Variants in ITGA3 observed in about 807,000 individuals in gnomAD.
ITGA3 encodes the protein integrin alpha-3.
A neutral mutation model predicts 131.1 loss-of-function variants in ITGA3; 70 were observed. The ratio of observed to expected loss-of-function variants is 0.53; its 90% CI spans 0.44 to 0.65. The LOEUF (loss-of-function observed/expected upper bound fraction) is 0.65, where lower values mean the gene tolerates loss of function less well. ITGA3 is among the 30% of genes least tolerant of loss of function. The pLI is 0.00. For missense variants in ITGA3, 1,098 were observed against 1,388.6 expected, an observed-to-expected ratio of 0.79 and a Z score of 3.33; for synonymous variants, 537 against 571.6, an observed-to-expected ratio of 0.94 and a Z score of 0.86.
intron 9 of ITGA3, 23 bp from the exon 10 acceptor site, chr17:50,074,425 G>C: frequency 1.2e-6 from 2 of 1,612,372 alleles, no homozygotes; most frequent in Non-Finnish European, 1.7e-6. Flanking sequence ...ACTGATATCT[G>C]TCTGGCTCTG....
intron 25 of ITGA3, 83 bp from the exon 26 acceptor site, chr17:50,089,026 TG>T: frequency 1.9e-6 from 2 of 1,032,950 alleles, no homozygotes; most frequent in Non-Finnish European, 1.5e-6. Context: ...GAGTTCTGGG[TG>T]GGAGAGGGAG....
In ITGA3 at chr17:50,089,669, C is replaced by G. The variant is rs1268552795; in HGVS notation, c.*591C>G. On this transcript the variant is annotated 3_prime_UTR_variant, in exon 26 of 26. Transcript: ENST00000320031. ...GACACCTCCCCCTTTCACACTGGATCCATCTTGAGCCACAGTCACTGGATT... is the reference window on the plus strand; with the variant it reads ...GACACCTCCCCCTTTCACACTGGATGCATCTTGAGCCACAGTCACTGGATT... 1 of 186,728 alleles carries G rather than the reference C, an allele frequency of 5.4e-6. No homozygotes were observed. The highest frequency in any genetic ancestry group is 1.1e-5 in the Non-Finnish European group (1 of 87,790). 11.6% of individuals were successfully genotyped at this position (186,728 alleles called of 1,614,324 possible).
At chr17:50,070,004 C>A (rs1323469867) in intron 4 of ITGA3, among the ~76,000 whole-genome samples, 1 of 152,216 alleles carries the variant, frequency 6.6e-6, no homozygotes, top group Admixed American at 6.5e-5. Flanking sequence ...CAGCTCTGGG[C>A]TCACCGAAGG....
chr17:50,077,232 G>A, intron 15 of ITGA3, 111 bp downstream of exon 15: 1 of 1,333,104 alleles, frequency 7.5e-7, no homozygotes, highest in East Asian at 2.4e-5. Context: ...CACCTCCTCT[G>A]GTCTGGGCCT....
Position 50,089,417 on chromosome 17 carries a change from G to C in ITGA3, c.*339G>C, listed in dbSNP as rs1372238528. 6 of 642,300 alleles carry C rather than the reference G, an allele frequency of 9.3e-6. No homozygotes were observed. The highest frequency in any genetic ancestry group is 5.5e-5 in the African/African-American group (3 of 54,682). 39.8% of individuals were successfully genotyped at this position (642,300 alleles called of 1,614,324 possible). ...ACCTCGTCAAGAGCATGCACATGCT[G>C]TCTGGCCCTGGGGATCTTCCCACAG... On this transcript the variant is annotated 3_prime_UTR_variant, in exon 26 of 26. Coordinates refer to ENST00000320031, the MANE Select transcript of ITGA3 (RefSeq NM_002204.4).
intron 22 of ITGA3, 91 bp downstream of exon 22, chr17:50,080,466 GTGTGTGTGT>G (rs1567703959): frequency 6.1e-4 from 59 of 96,762 alleles, no homozygotes; most frequent in Middle Eastern, 3.5e-3. Flanking sequence ...TAGCATGGGT[GTGTGTGTGT>G]GTGTGTGTGT....
rs73330546 is a variant in ITGA3, at chr17:50,075,852, A to G, written c.1674+117A>G. 7,045 of 1,068,212 alleles carry G rather than the reference A, an allele frequency of 6.6e-3. 284 individuals are homozygous for G. In the African/African-American group the frequency reaches 0.095, roughly 14 times the overall value. The allele number at this position is 1,068,212 out of a possible 1,614,324, so 66.2% of individuals were successfully genotyped here. The stretch of plus-strand genomic sequence containing the variant: ...CTCCCCAGAGACAGAGGTTGGGGAC[A>G]TCGGTTTGGAAGGCTATTGGTGTGT... On this transcript the variant is annotated intron_variant, in intron 12 of 25. Coordinates refer to ENST00000320031, the MANE Select transcript of ITGA3 (RefSeq NM_002204.4).
At chr17:50,069,352 T>G (rs950377487) in intron 4 of ITGA3, among the ~76,000 whole-genome samples, 1 of 152,154 alleles carries the variant, frequency 6.6e-6, no homozygotes, top group Non-Finnish European at 1.5e-5. Context: ...CACTACATAG[T>G]ACAGTAGGCA....
chr17:50,085,475 G>A (rs1300763960), intron 23 of ITGA3, among the ~76,000 whole-genome samples: 2 of 151,720 alleles, frequency 1.3e-5, no homozygotes, highest in South Asian at 4.1e-4. Context: ...GACCAGCCTG[G>A]CCAACATGGT....
At chr17:50,080,093 A>G (rs1334126029) in intron 21 of ITGA3, among the ~76,000 whole-genome samples, 169 bp from the exon 22 acceptor site, 1 of 152,136 alleles carries the variant, frequency 6.6e-6, no homozygotes, top group Non-Finnish European at 1.5e-5. Flanking sequence ...TGTGTCTGAA[A>G]TGCATAGCTG....
rs377598451 is a variant in ITGA3, at chr17:50,089,266, C to T, written c.*188C>T. 50 of 1,612,532 alleles carry T rather than the reference C, an allele frequency of 3.1e-5. 1 individual carries two copies. The highest frequency in any genetic ancestry group is 2.7e-4 in the South Asian group (25 of 91,032). On this transcript the variant is annotated 3_prime_UTR_variant, in exon 26 of 26. Coordinates refer to ENST00000320031, the MANE Select transcript of ITGA3 (RefSeq NM_002204.4). ...GCAGACTCGGGACCAATACTACTGA[C>T]GTCCTCCCTGATCCCACCCCCTCCT...
At position 50,076,375 on chromosome 17, in the gene ITGA3, CTT is replaced by C; in HGVS notation, c.1726_1727del (p.Leu576ThrfsTer32). On this transcript the variant is annotated frameshift_variant, in exon 13 of 26. Transcript: ENST00000320031. LOFTEE classifies it high-confidence loss of function. ...CCCATCATCATCTCCATGAACTACT[CTT>C]TACCTTTGCGGATGCCCGATCGCCC... The C allele has an allele frequency of 6.2e-7, 1 of 1,613,734 alleles. No homozygotes were observed. Among genetic ancestry groups the C allele is most frequent in the East Asian group, 2.2e-5 (1 of 44,874 alleles).
At chr17:50,079,293 C>T (rs1909072216) in intron 20 of ITGA3, 35 bp downstream of exon 20, 6 of 1,602,870 alleles carry the variant, frequency 3.7e-6, no homozygotes, top group Non-Finnish European at 5.1e-6. Flanking sequence ...CATTTGCATG[C>T]TACAGGGCAG....
chr17:50,062,520 A>G (rs1351985457), intron 1 of ITGA3, among the ~76,000 whole-genome samples: 2 of 152,164 alleles, frequency 1.3e-5, no homozygotes, highest in African/African-American at 4.8e-5. Flanking sequence ...CTGGCCAGGA[A>G]GCTTCACCCC....
At position 50,089,186 on chromosome 17, in the gene ITGA3, G is replaced by A. The variant is rs200123319; in HGVS notation, c.*108G>A. On this transcript the variant is annotated 3_prime_UTR_variant, in exon 26 of 26. Transcript: ENST00000320031. The stretch of plus-strand genomic sequence containing the variant: ...GCAGTGCGGATCCGGGAGGAGGAGC[G>A]CTACCCACCTCCAGGGAGCACCCTG... The A allele has an allele frequency of 6.8e-6, 11 of 1,613,312 alleles. No individual in the cohort carries two copies. The highest frequency in any genetic ancestry group is 4.5e-5 in the East Asian group (2 of 44,874).
intron 10 of ITGA3, 75 bp from the exon 11 acceptor site, chr17:50,075,384 A>G: frequency 6.7e-7 from 1 of 1,488,196 alleles, no homozygotes; most frequent in Admixed American, 1.7e-5. Flanking sequence ...CCTTTTGCCC[A>G]GTACAGAGGC....
In ITGA3 at chr17:50,064,709, G is replaced by T. The variant is rs531443586; in HGVS notation, c.414+102G>T. 1.1e-5 allele frequency: 10 copies of T among 914,082 alleles called. No homozygotes were observed. The East Asian group carries it at 1.8e-4, about 16-fold the overall frequency. The allele number at this position is 914,082 out of a possible 1,614,324, so 56.6% of individuals were successfully genotyped here. On this transcript the variant is annotated intron_variant, in intron 3 of 25. Coordinates refer to ENST00000320031, the MANE Select transcript of ITGA3 (RefSeq NM_002204.4). The surrounding 1 kb of genome is among the most constrained non-coding windows in gnomAD (Gnocchi z 4.4). ...AGGGCAGCAGGGGGGTCCACGGCGC[G>T]TGTGTGCTGGGGCCTGCACACATGT...
rs772737546 is a variant in ITGA3 at position 50,075,627 on chromosome 17, G to A, written c.1566G>A (p.Arg522=). ...TGGCCTACACTCTGGAGGCTGACAG[G>A]GACCGCCGGCCGCCCCGGCTCCGCT... ...ITLAYTLEAD[R]DRRPPRLRFA... is the part of the protein sequence containing the mutation. Residue 522 remains arginine, a synonymous_variant, in exon 12 of 26, where the codon AGG becomes AGA. Coordinates refer to ENST00000320031, the MANE Select transcript of ITGA3 (RefSeq NM_002204.4). 19 of 1,614,108 alleles carry A rather than the reference G, an allele frequency of 1.2e-5. No homozygotes were observed. Among genetic ancestry groups the A allele is most frequent in the Non-Finnish European group, 1.6e-5 (19 of 1,180,050 alleles).
chr17:50,073,930 G>T lies in ITGA3; in HGVS notation c.1171G>T (p.Ala391Ser), dbSNP rs771691787. The T allele has an allele frequency of 1.9e-6, 3 of 1,614,058 alleles. No homozygotes were observed. The highest frequency in any genetic ancestry group is 2.5e-6 in the Non-Finnish European group (3 of 1,179,902). ...TTCTTCTGCAGATATTGCTGTGGGA[G>T]CTCCGTTTGAAGGCTTGGGCAAAGT... Reference protein sequence around the residue: ...QDGFQDIAVGAPFEGLGKVYI... With the variant: ...QDGFQDIAVGSPFEGLGKVYI... The change falls in exon 8 of 26, where the codon GCT becomes TCT. Residue 391 changes from alanine (A) to serine (S), a missense_variant. Around this residue, in one of 3 missense-constraint regions of ITGA3, gnomAD observed 356 missense variants for 529.2 expected, o/e 0.67. Transcript: ENST00000320031.
Sources: allele counts gnomAD v4.1 joint callset (sites outside exome capture counted in the v4.1 genomes callset), GRCh38; gene constraint gnomAD v4.1.1; regional missense constraint gnomAD v4.1.1; non-coding constraint Gnocchi (gnomAD v3.1); transcripts MANE v1.5; gene names NCBI Gene and HGNC (gene_info 2026-07-23, HGNC 2026-07-21).